Variants in ATP10A observed in about 807,000 individuals in gnomAD.
ATP10A encodes the protein phospholipid-transporting ATPase VA.
Under a neutral mutation model 147.8 loss-of-function variants are expected in ATP10A, and 111 were observed. That is an observed-to-expected ratio of 0.75 (90% CI 0.64 to 0.88). The LOEUF is 0.88. ATP10A is among the 40% of genes least tolerant of loss of function. ATP10A has a pLI of 0.00. For synonymous variants in ATP10A, 875 were observed against 841.6 expected (o/e 1.04, Z -0.69); for missense variants, 1,927 against 1,959.0 (o/e 0.98, Z 0.31).
At chr15:25,840,868 G>A (rs1892781034) in intron 1 of ATP10A, among the ~76,000 whole-genome samples, 1 of 152,042 alleles carries the variant, frequency 6.6e-6, no homozygotes, top group African/African-American at 2.4e-5. Context: ...ATCTCTGAGT[G>A]GCTTTAATTT....
chr15:25,812,797 T>C (rs982518903), intron 1 of ATP10A, among the ~76,000 whole-genome samples: 3 of 152,288 alleles, frequency 2.0e-5, no homozygotes, highest in East Asian at 1.9e-4. Flanking sequence ...AAGGACAAAG[T>C]GTGATTTCAC....
Position 25,767,396 on chromosome 15 carries a change from C to T in ATP10A, c.654+13623G>A, listed in dbSNP as rs533746594. Among the ~76,000 whole-genome samples the T allele has an allele frequency of 4.6e-5, 7 of 152,214 alleles. No homozygotes were observed. In the South Asian group the frequency reaches 8.3e-4, roughly 18 times the overall value. On this transcript the variant is annotated intron_variant, in intron 2 of 20. Coordinates refer to ENST00000555815, the MANE Select transcript of ATP10A (RefSeq NM_024490.4). ...AGTCTGCTGGGAGACCTGGATGAAC[C>T]AGGGCTCAGGCAGAGAGGCATGGGG...
At chr15:25,689,500 C>A (rs935444887) in intron 15 of ATP10A, among the ~76,000 whole-genome samples, 3 of 152,198 alleles carry the variant, frequency 2.0e-5, no homozygotes, top group Non-Finnish European at 4.4e-5. Flanking sequence ...TCTGACATCT[C>A]TGGCATCCCT....
chr15:25,751,562 A>G (rs1222373030), intron 2 of ATP10A, among the ~76,000 whole-genome samples: 1 of 152,148 alleles, frequency 6.6e-6, no homozygotes, highest in Non-Finnish European at 1.5e-5. Flanking sequence ...ATTATAAAAA[A>G]TATTTCCCAT....
At chr15:25,819,424 C>G (rs1483538955) in intron 1 of ATP10A, among the ~76,000 whole-genome samples, 1 of 152,096 alleles carries the variant, frequency 6.6e-6, no homozygotes, top group Non-Finnish European at 1.5e-5. Context: ...TAACAAATAA[C>G]AGGTGCTGGT....
At chr15:25,856,139 C>G (rs147251415) in intron 1 of ATP10A, among the ~76,000 whole-genome samples, 1 of 152,172 alleles carries the variant, frequency 6.6e-6, no homozygotes, top group East Asian at 1.9e-4. Context: ...TGGGTTGGCT[C>G]TCTGTCCCCA....
At chr15:25,814,615 C>T (rs2140827572) in intron 1 of ATP10A, among the ~76,000 whole-genome samples, 1 of 152,190 alleles carries the variant, frequency 6.6e-6, no homozygotes, top group East Asian at 1.9e-4. Flanking sequence ...GGAATATGCC[C>T]ACTTCATTGT....
chr15:25,756,516 A>G (rs961964318), intron 2 of ATP10A, among the ~76,000 whole-genome samples: 2 of 152,010 alleles, frequency 1.3e-5, no homozygotes, highest in African/African-American at 4.8e-5. Context: ...GGTGGCGGGC[A>G]CCTGTAGTCC....
At chr15:25,853,741 AG>A (rs1258791879) in intron 1 of ATP10A, among the ~76,000 whole-genome samples, 1 of 152,116 alleles carries the variant, frequency 6.6e-6, no homozygotes, top group African/African-American at 2.4e-5. Context: ...CATAGCACCC[AG>A]GAACAGGCAG....
At chr15:25,716,594 G>A (rs547427718) in intron 9 of ATP10A, 136 bp downstream of exon 9, 45 of 810,528 alleles carry the variant, frequency 5.6e-5, no homozygotes, top group Middle Eastern at 6.3e-4. Context: ...GCACCCCACC[G>A]CATCCCCCTT....
intron 1 of ATP10A, among the ~76,000 whole-genome samples, chr15:25,822,584 A>C (rs975437547): frequency 2.0e-5 from 3 of 152,176 alleles, no homozygotes; most frequent in African/African-American, 7.2e-5. Flanking sequence ...TGTCGCACCC[A>C]AATTGACACA....
At chr15:25,745,921 A>C (rs553510686) in intron 2 of ATP10A, among the ~76,000 whole-genome samples, 24 of 152,204 alleles carry the variant, frequency 1.6e-4, no homozygotes, top group Middle Eastern at 3.2e-3. Context: ...AAAGCATGGT[A>C]AACTCAATGA....
chr15:25,680,630 A>G (rs1056063755), intron 19 of ATP10A, among the ~76,000 whole-genome samples, 180 bp downstream of exon 19: 1 of 152,166 alleles, frequency 6.6e-6, no homozygotes, highest in Non-Finnish European at 1.5e-5. Context: ...ATCAGGCTGC[A>G]GCGGCTCCCC....
intron 1 of ATP10A, among the ~76,000 whole-genome samples, chr15:25,804,855 A>C (rs992814918): frequency 2.0e-5 from 3 of 152,214 alleles, no homozygotes; most frequent in African/African-American, 7.2e-5. Context: ...TTGATATGAA[A>C]GTTCTTTTAG....
rs961138951 is a variant in ATP10A at position 25,784,846 on chromosome 15, C to T, written c.450-3623G>A. 3.3e-5 allele frequency among the ~76,000 whole-genome samples: 5 copies of T among 151,350 alleles called. No individual in the cohort carries two copies. In the East Asian group the frequency reaches 7.8e-4, roughly 24 times the overall value. ...CTGAGGCAGGAGAATCGCTTGAACC[C>T]GGGAGGTGGAGGCTGCAGTGAGCCG... is the stretch of plus-strand genomic sequence containing the variant. On this transcript the variant is annotated intron_variant, in intron 1 of 20. Transcript: ENST00000555815.
intron 2 of ATP10A, among the ~76,000 whole-genome samples, chr15:25,742,472 C>T (rs1164912690): frequency 6.6e-6 from 1 of 152,202 alleles, no homozygotes; most frequent in Non-Finnish European, 1.5e-5. Flanking sequence ...CGCCAGCCTC[C>T]CCTTGCCTTT....
intron 2 of ATP10A, among the ~76,000 whole-genome samples, chr15:25,772,928 T>G (rs1463366442): frequency 6.6e-6 from 1 of 152,180 alleles, no homozygotes; most frequent in Non-Finnish European, 1.5e-5. Context: ...GATCTCAGCT[T>G]GGTTAAAAGT....
At position 25,727,178 on chromosome 15, in the gene ATP10A, C is replaced by T. The variant is rs1286161311; in HGVS notation, c.829G>A (p.Gly277Ser). 4 of 1,614,134 alleles carry T rather than the reference C, an allele frequency of 2.5e-6. No individual in the cohort carries two copies. Among genetic ancestry groups the T allele is most frequent in the Non-Finnish European group, 3.4e-6 (4 of 1,180,022 alleles). The change falls in exon 4 of 21, where the codon GGC becomes AGC. Residue 277 changes from glycine (G) to serine (S), a missense_variant. Gly to Ser is a moderately conservative substitution (Grantham distance 56). Coordinates refer to ENST00000555815, the MANE Select transcript of ATP10A (RefSeq NM_024490.4). ...AGCCTACCTGCGTAGATGACAATGC[C>T]GACGACTGCGTCCGTGTTCCTAAGG... is the stretch of plus-strand genomic sequence containing the variant. ...CTLRNTDAVVGIVIYAGHETK... is the reference protein window; with the variant it reads ...CTLRNTDAVVSIVIYAGHETK...
In ATP10A at chr15:25,818,339, G is replaced by A. The variant is rs547572265; in HGVS notation, c.450-37116C>T. Among the ~76,000 whole-genome samples the A allele has an allele frequency of 4.6e-5, 7 of 151,920 alleles. No individual in the cohort carries two copies. The East Asian group carries it at 7.7e-4, about 17-fold the overall frequency. ...TAAATCTAGAATAAGTTTTTAATAC[G>A]AAAAATATATTATAAGCCAAATATA... On this transcript the variant is annotated intron_variant, in intron 1 of 20. Coordinates refer to ENST00000555815, the MANE Select transcript of ATP10A (RefSeq NM_024490.4).
Sources: allele counts gnomAD v4.1 joint callset (sites outside exome capture counted in the v4.1 genomes callset), GRCh38; gene constraint gnomAD v4.1.1; transcripts MANE v1.5; gene names NCBI Gene and HGNC (gene_info 2026-07-23, HGNC 2026-07-21).